Variants in TAFA1 observed in about 807,000 individuals in gnomAD.
TAFA1 encodes the protein TAFA chemokine like family member 1.
Under a neutral mutation model 18.5 loss-of-function variants are expected in TAFA1, and 4 were observed. The ratio of observed to expected loss-of-function variants is 0.22; its 90% CI spans 0.11 to 0.49. TAFA1 has a LOEUF of 0.49. Ranked by LOEUF, TAFA1 falls within the 20% of genes least tolerant of loss-of-function variation. The pLI is 0.98. For synonymous variants in TAFA1, 56 were observed against 55.2 expected, an observed-to-expected ratio of 1.01 and a Z score of -0.06; for missense variants, 147 against 169.0, an observed-to-expected ratio of 0.87 and a Z score of 0.72.
intron 4 of TAFA1, among the ~76,000 whole-genome samples, chr3:68,543,911 G>A (rs533400817): frequency 1.5e-4 from 23 of 152,076 alleles, no homozygotes; most frequent in African/African-American, 5.1e-4. Flanking sequence ...GTTTCTCATC[G>A]CTGTGTTCCT....
At chr3:68,262,625 C>T (rs115823445) in intron 2 of TAFA1, among the ~76,000 whole-genome samples, 2,256 of 151,964 alleles carry the variant, frequency 0.015, 48 homozygotes, top group African/African-American at 0.046. Context: ...TTCTTTTTTA[C>T]GGCTGTGTAG....
At chr3:68,339,698 T>C (rs1261192626) in intron 2 of TAFA1, among the ~76,000 whole-genome samples, 1 of 152,240 alleles carries the variant, frequency 6.6e-6, no homozygotes, top group African/African-American at 2.4e-5. Flanking sequence ...GTCCTTAATG[T>C]AGATTTTTGA....
chr3:68,259,818 C>A (rs1212232263), intron 2 of TAFA1, among the ~76,000 whole-genome samples: 1 of 152,044 alleles, frequency 6.6e-6, no homozygotes, highest in African/African-American at 2.4e-5. Context: ...AGTTGCTTAT[C>A]AGCTTAAGGA....
chr3:68,213,984 G>A (rs2066625934), intron 2 of TAFA1, among the ~76,000 whole-genome samples: 1 of 152,048 alleles, frequency 6.6e-6, no homozygotes, highest in Non-Finnish European at 1.5e-5. Context: ...TAACTACAAA[G>A]TAGGCAATAT....
At position 68,149,766 on chromosome 3, in the gene TAFA1, A is replaced by G. The variant is rs572002941; in HGVS notation, c.118+143022A>G. Among the ~76,000 whole-genome samples, 4 of 152,342 alleles carry G rather than the reference A, an allele frequency of 2.6e-5. No individual in the cohort carries two copies. In the South Asian group the frequency reaches 8.3e-4, roughly 32 times the overall value. ...GGAGGACAAACTTCAAAACTTTAGC[A>G]GAGTCTTAAGAAACTTACCTCAGGA... On this transcript the variant is annotated intron_variant, in intron 2 of 4. Coordinates refer to ENST00000478136, the MANE Select transcript of TAFA1 (RefSeq NM_213609.4).
At chr3:68,395,938 TATAATA>T (rs533227192) in intron 2 of TAFA1, among the ~76,000 whole-genome samples, 3 of 151,108 alleles carry the variant, frequency 2.0e-5, no homozygotes, top group Admixed American at 6.6e-5. Flanking sequence ...GAACTTAAAG[TATAATA>T]ATAATAATAA....
Position 68,473,469 on chromosome 3 carries a change from A to G in TAFA1, c.259+56049A>G, listed in dbSNP as rs1374074513. Among the ~76,000 whole-genome samples the G allele has an allele frequency of 3.9e-5, 6 of 151,996 alleles. No homozygotes were observed. In the East Asian group the frequency reaches 1.2e-3, roughly 29 times the overall value. ...GATTCTTGTCTTAACTTTCCAGTCT[A>G]TTTTTTTTAAGTTTATAGCGCTCAT... On this transcript the variant is annotated intron_variant, in intron 3 of 4. Transcript: ENST00000478136.
At chr3:68,206,994 G>A (rs2066535651) in intron 2 of TAFA1, among the ~76,000 whole-genome samples, 1 of 151,868 alleles carries the variant, frequency 6.6e-6, no homozygotes, top group Admixed American at 6.6e-5. Flanking sequence ...TACCAAGAAG[G>A]TGGTGTAATT....
chr3:68,390,669 T>C (rs1309015531), intron 2 of TAFA1, among the ~76,000 whole-genome samples: 3 of 152,172 alleles, frequency 2.0e-5, no homozygotes, highest in African/African-American at 7.2e-5. Flanking sequence ...CAGGCAGCAA[T>C]CTTTGCTGTT....
chr3:68,287,729 T>C (rs1294055307), intron 2 of TAFA1, among the ~76,000 whole-genome samples: 3 of 152,098 alleles, frequency 2.0e-5, no homozygotes, highest in Admixed American at 6.5e-5. Flanking sequence ...CTGGCTTGCA[T>C]TGCGCACTAT....
At chr3:68,487,853 A>G (rs1035533970) in intron 3 of TAFA1, among the ~76,000 whole-genome samples, 1 of 150,306 alleles carries the variant, frequency 6.7e-6, no homozygotes, top group African/African-American at 2.4e-5. Context: ...CATTCATCAT[A>G]TTGAAACATT....
intron 4 of TAFA1, among the ~76,000 whole-genome samples, chr3:68,539,689 G>GGA (rs2073340071): frequency 1.8e-4 from 1 of 5,464 alleles, no homozygotes; most frequent in African/African-American, 5.6e-4. Flanking sequence ...GGGGGGGCAT[G>GGA]GGGTGGGTGG....
intron 2 of TAFA1, among the ~76,000 whole-genome samples, chr3:68,248,122 G>A (rs768018153): frequency 6.6e-6 from 1 of 152,180 alleles, no homozygotes; most frequent in Non-Finnish European, 1.5e-5. Context: ...GTGATTGTGA[G>A]CCTTCTGTAC....
chr3:68,449,820 T>G (rs554498828), intron 3 of TAFA1, among the ~76,000 whole-genome samples: 4 of 152,346 alleles, frequency 2.6e-5, no homozygotes, highest in Non-Finnish European at 5.9e-5. Context: ...CATGTCTACA[T>G]GAGTACAGAG....
At chr3:68,152,235 G>A (rs184497065) in intron 2 of TAFA1, among the ~76,000 whole-genome samples, 1 of 152,138 alleles carries the variant, frequency 6.6e-6, no homozygotes, top group African/African-American at 2.4e-5. Context: ...CACCTAGGCT[G>A]TTTGTTGAGA....
Position 68,347,784 on chromosome 3 carries a change from C to G in TAFA1, c.119-69496C>G, listed in dbSNP as rs115767664. Among the ~76,000 whole-genome samples, 1,003 of 152,294 alleles carry G rather than the reference C, an allele frequency of 6.6e-3. 7 individuals are homozygous for G. Among genetic ancestry groups the G allele is most frequent in the African/African-American group, 0.023 (943 of 41,560 alleles). On this transcript the variant is annotated intron_variant, in intron 2 of 4. Transcript: ENST00000478136. ...TCATATCATATATTCTAGCAACAGT[C>G]AACTACAATATGCCTTTTGGAAGGG...
At chr3:68,337,360 C>T (rs2068990228) in intron 2 of TAFA1, among the ~76,000 whole-genome samples, 1 of 152,104 alleles carries the variant, frequency 6.6e-6, no homozygotes, top group South Asian at 2.1e-4. Context: ...ACCTCACTTA[C>T]TGTCACGAGT....
At chr3:68,218,664 G>A (rs1203243047) in intron 2 of TAFA1, among the ~76,000 whole-genome samples, 5 of 152,054 alleles carry the variant, frequency 3.3e-5, no homozygotes, top group Non-Finnish European at 5.9e-5. Flanking sequence ...CTGGAATGCC[G>A]GAAAACAAAA....
intron 2 of TAFA1, among the ~76,000 whole-genome samples, chr3:68,200,399 A>T (rs1488563612): frequency 6.6e-6 from 1 of 151,630 alleles, no homozygotes; most frequent in Non-Finnish European, 1.5e-5. Flanking sequence ...AGAGATTGTA[A>T]AGAATTGATA....
Sources: gnomAD v4.1 joint callset for allele counts (sites outside exome capture counted in the v4.1 genomes callset) on GRCh38, gnomAD v4.1.1 for gene constraint, MANE v1.5 for transcripts, NCBI Gene and HGNC (gene_info 2026-07-23, HGNC 2026-07-21) for gene names.